RNF115: variants seen among roughly 807,000 people sequenced by gnomAD.
The protein encoded by RNF115 is ring finger protein 115, also known as E3 ubiquitin-protein ligase RNF115.
Under a neutral mutation model 39.2 loss-of-function variants are expected in RNF115, and 31 were observed. The observed-to-expected ratio is 0.79, with a 90% CI of 0.59 to 1.07. The LOEUF is 1.07. Among genes scored for constraint, RNF115 ranks in the 50% least tolerant of loss-of-function variants. RNF115 has a pLI of 0.00. For synonymous variants in RNF115, 124 were observed against 131.0 expected (o/e 0.95, Z 0.37); for missense variants, 384 against 381.7 (o/e 1.01, Z -0.05).
chr1:145,755,078 T>C (rs781861471), intron 4 of RNF115, among the ~76,000 whole-genome samples: 10 of 151,880 alleles, frequency 6.6e-5, no homozygotes, highest in Non-Finnish European at 1.5e-4. Flanking sequence ...CCATCTCTAC[T>C]AAAAATACAA....
At chr1:145,813,958 C>G (rs1407515223) in intron 1 of RNF115, among the ~76,000 whole-genome samples, 2 of 141,606 alleles carry the variant, frequency 1.4e-5, no homozygotes, top group African/African-American at 2.6e-5. Flanking sequence ...AGCAACCCTC[C>G]TCCAGCCCCT....
chr1:145,784,363 C>T (rs1181456999), intron 3 of RNF115, among the ~76,000 whole-genome samples, 176 bp downstream of exon 3: 9 of 152,286 alleles, frequency 5.9e-5, no homozygotes, highest in African/African-American at 1.7e-4. Flanking sequence ...AAAGGTAACA[C>T]GCCCAAGCCC....
intron 3 of RNF115, among the ~76,000 whole-genome samples, chr1:145,779,305 G>A (rs1381188752): frequency 6.6e-6 from 1 of 151,788 alleles, no homozygotes; most frequent in East Asian, 1.9e-4. Context: ...TTCTCGAGTA[G>A]CTGGGACTAC....
chr1:145,774,726 A>G lies in RNF115; in HGVS notation c.220-2807T>C, dbSNP rs1387449666. Among the ~76,000 whole-genome samples the G allele has an allele frequency of 3.9e-5, 6 of 152,284 alleles. No homozygotes were observed. The East Asian group carries it at 1.2e-3, about 29-fold the overall frequency. On this transcript the variant is annotated intron_variant, in intron 3 of 8. Coordinates refer to ENST00000582693, the MANE Select transcript of RNF115 (RefSeq NM_014455.4). ...TTTTCAGTACTCATCAGTTGTTTCA[A>G]TTAAATCAGTTTTAAATCTCTATTC...
chr1:145,808,020 CTTGA>C (rs1649532669), intron 1 of RNF115, among the ~76,000 whole-genome samples: 1 of 151,058 alleles, frequency 6.6e-6, no homozygotes, highest in African/African-American at 2.4e-5. Context: ...AATGGCACGA[CTTGA>C]TTCTTTCTTA....
At chr1:145,788,626 C>G (rs1648496202) in intron 2 of RNF115, 3 of 529,862 alleles carry the variant, frequency 5.7e-6, no homozygotes, top group South Asian at 5.1e-5. Flanking sequence ...TTTACTCTGA[C>G]ATGCGTACAG....
chr1:145,788,821 A>G (rs1553718510), intron 2 of RNF115, 87 bp downstream of exon 2: 5 of 981,938 alleles, frequency 5.1e-6, no homozygotes. Flanking sequence ...TGTAAGTTGT[A>G]AAACAAATTC....
At position 145,752,585 on chromosome 1, in the gene RNF115, C is replaced by CTT. The variant is rs60257682; in HGVS notation, c.500+391_500+392dup. 1.1e-3 allele frequency among the ~76,000 whole-genome samples: 88 copies of CTT among 83,752 alleles called. 4 individuals are homozygous for CTT. Among genetic ancestry groups the CTT allele is most frequent in the African/African-American group, 1.3e-3 (23 of 17,414 alleles). The allele number at this position is 83,752 out of a possible 152,430, so 54.9% of individuals were successfully genotyped here. On this transcript the variant is annotated intron_variant, in intron 5 of 8. Coordinates refer to ENST00000582693, the MANE Select transcript of RNF115 (RefSeq NM_014455.4). The stretch of plus-strand genomic sequence containing the variant: ...CATCTACATACTCACCTATGCAGCT[C>CTT]TTTTTTTTTTTTTTTTTTTTTGAGA...
chr1:145,751,073 C>T (rs1374617233), intron 6 of RNF115, among the ~76,000 whole-genome samples: 1 of 152,206 alleles, frequency 6.6e-6, no homozygotes, highest in East Asian at 1.9e-4. Flanking sequence ...TACTTTGCTC[C>T]ATCTAGCAGA....
chr1:145,746,702 GATA>G lies in RNF115; in HGVS notation c.*161_*163del, dbSNP rs1553711786. 2 of 662,662 alleles carry G rather than the reference GATA, an allele frequency of 3.0e-6. No individual in the cohort carries two copies. Among genetic ancestry groups the G allele is most frequent in the South Asian group, 2.2e-5 (1 of 44,566 alleles). The allele number at this position is 662,662 out of a possible 1,614,324, so 41.0% of individuals were successfully genotyped here. A position where few individuals can be genotyped will look rare whatever the true frequency, so the allele number is the denominator to read the frequency against. On this transcript the variant is annotated 3_prime_UTR_variant, in exon 9 of 9. Coordinates refer to ENST00000582693, the MANE Select transcript of RNF115 (RefSeq NM_014455.4). ...GGTTGTAGATACAATTCCATCTGTAGATACTAACTTTAAATTTAAAGAAGAAAA... is the reference window on the plus strand; with the variant it reads ...GGTTGTAGATACAATTCCATCTGTAGCTAACTTTAAATTTAAAGAAGAAAA...
chr1:145,766,148 G>A (rs935126459), intron 4 of RNF115, among the ~76,000 whole-genome samples: 34 of 152,286 alleles, frequency 2.2e-4, no homozygotes, highest in African/African-American at 5.3e-4. Flanking sequence ...GCGGCCTTCC[G>A]CAGTGTTTGT....
chr1:145,764,658 G>T (rs1185444427), intron 4 of RNF115, among the ~76,000 whole-genome samples: 4 of 151,516 alleles, frequency 2.6e-5, no homozygotes, highest in African/African-American at 9.7e-5. Context: ...CGCCCCGTCT[G>T]GGAAGTGAGG....
At chr1:145,787,070 A>G (rs1648414947) in intron 2 of RNF115, 1 of 1,264,898 alleles carries the variant, frequency 7.9e-7, no homozygotes, top group South Asian at 1.2e-5. Context: ...GATTCTGCCA[A>G]CAGTAACAGT....
chr1:145,819,405 T>C (rs185299503), intron 1 of RNF115, among the ~76,000 whole-genome samples: 2 of 150,898 alleles, frequency 1.3e-5, no homozygotes, highest in African/African-American at 4.9e-5. Flanking sequence ...TGAGCCGTGA[T>C]CATGCCACTG....
At chr1:145,788,162 A>T (rs1219792682) in intron 2 of RNF115, among the ~76,000 whole-genome samples, 1 of 151,288 alleles carries the variant, frequency 6.6e-6, no homozygotes, top group African/African-American at 2.4e-5. Context: ...GCTCACTGCA[A>T]CCTCCACCTC....
At chr1:145,785,192 G>C (rs1235550870) in intron 2 of RNF115, among the ~76,000 whole-genome samples, 1 of 152,010 alleles carries the variant, frequency 6.6e-6, no homozygotes, top group African/African-American at 2.4e-5. Context: ...CTCTCACTTT[G>C]ATTCTAAAAC....
chr1:145,753,692 G>C (rs1218432350), intron 4 of RNF115, among the ~76,000 whole-genome samples: 2 of 152,150 alleles, frequency 1.3e-5, no homozygotes, highest in Non-Finnish European at 2.9e-5. Flanking sequence ...TGTTTCACTG[G>C]ATCTTCTGTG....
chr1:145,775,549 T>C (rs1647843880), intron 3 of RNF115, among the ~76,000 whole-genome samples: 1 of 150,942 alleles, frequency 6.6e-6, no homozygotes, highest in African/African-American at 2.4e-5. Context: ...GGATGTACCA[T>C]CACACTCAGC....
intron 1 of RNF115, among the ~76,000 whole-genome samples, chr1:145,791,627 G>C (rs1648673036): frequency 6.6e-6 from 1 of 151,914 alleles, no homozygotes. Context: ...GTTTATCAAT[G>C]GTTCCAAACA....
Sources: gnomAD v4.1 joint callset for allele counts (sites outside exome capture counted in the v4.1 genomes callset) on GRCh38, gnomAD v4.1.1 for gene constraint, MANE v1.5 for transcripts, NCBI Gene and HGNC (gene_info 2026-07-23, HGNC 2026-07-21) for gene names.